Variants in ENPEP observed in about 807,000 individuals in gnomAD.
The protein encoded by ENPEP is AP-A.
ENPEP carries 103 observed loss-of-function variants against 114.5 expected under a neutral mutation model. That is an observed-to-expected ratio of 0.90 (90% CI 0.77 to 1.06). The LOEUF (loss-of-function observed/expected upper bound fraction) is 1.06. Among genes scored for constraint, ENPEP ranks in the 50% least tolerant of loss-of-function variants. The probability of loss-of-function intolerance (pLI) is 0.00; values close to 1 mark genes in which losing one functional copy is unlikely to be tolerated. For missense variants in ENPEP, 1,196 were observed against 1,161.3 expected (o/e 1.03, Z -0.43); for synonymous variants, 420 against 422.0 (o/e 1.00, Z 0.06).
At chr4:110,515,630 T>A in intron 8 of ENPEP, 188 bp downstream of exon 8, 1 of 626,264 alleles carries the variant, frequency 1.6e-6, no homozygotes, top group Non-Finnish European at 2.9e-6. Flanking sequence ...TCTGTAATGA[T>A]CATTTAGCAG....
chr4:110,476,571 A>G lies in ENPEP; in HGVS notation c.157A>G (p.Thr53Ala), dbSNP rs2110327182. The G allele has an allele frequency of 6.2e-7, 1 of 1,613,652 alleles. No homozygotes were observed. Among genetic ancestry groups the G allele is most frequent in the Non-Finnish European group, 8.5e-7 (1 of 1,179,664 alleles). ...CTCCAGCGGGGACGGCGGGCCGGGC[A>G]CTGCGCCAGCTCCTTCCCACCTGCC... ...CDSSGDGGPG[T>A]APAPSHLPSS... Residue 53 changes from threonine to alanine, a missense_variant, in exon 1 of 20, where the codon ACT becomes GCT. By Grantham distance (58) the Thr-to-Ala change is moderately conservative (BLOSUM62 0). Coordinates refer to ENST00000265162, the MANE Select transcript of ENPEP (RefSeq NM_001977.4).
chr4:110,497,308 T>A (rs72666190), intron 3 of ENPEP, among the ~76,000 whole-genome samples: 17,215 of 152,216 alleles, frequency 0.11, 1,138 homozygotes, highest in Middle Eastern at 0.28. Flanking sequence ...TAGTTTTTTT[T>A]AATTAATTTC....
intron 13 of ENPEP, among the ~76,000 whole-genome samples, chr4:110,543,952 C>G (rs755968455): frequency 4.6e-5 from 7 of 151,892 alleles, no homozygotes; most frequent in Admixed American, 2.6e-4. Flanking sequence ...GGTAGGCACC[C>G]AAACCCAGCT....
chr4:110,494,682 C>T (rs1417979903), intron 3 of ENPEP, among the ~76,000 whole-genome samples: 6 of 152,122 alleles, frequency 3.9e-5, no homozygotes, highest in South Asian at 2.1e-4. Flanking sequence ...ATATCCTTGT[C>T]GCTCATGAGA....
chr4:110,505,808 T>C (rs1006477345), intron 3 of ENPEP, among the ~76,000 whole-genome samples: 1 of 152,212 alleles, frequency 6.6e-6, no homozygotes, highest in African/African-American at 2.4e-5. Flanking sequence ...CTTTCAGATA[T>C]TGAGAAATGC....
intron 13 of ENPEP, among the ~76,000 whole-genome samples, chr4:110,546,317 A>C (rs1727056360): frequency 6.6e-6 from 1 of 150,702 alleles, no homozygotes; most frequent in African/African-American, 2.4e-5. Flanking sequence ...TCTTCCCCCC[A>C]CCCCGCCCCC....
At chr4:110,542,696 T>C (rs990884001) in intron 11 of ENPEP, 55 bp from the exon 12 acceptor site, 2 of 1,478,602 alleles carry the variant, frequency 1.4e-6, no homozygotes, top group African/African-American at 2.9e-5. Flanking sequence ...CTAATTTCTC[T>C]GTGTTGACAG....
At chr4:110,497,647 A>G (rs1436790402) in intron 3 of ENPEP, among the ~76,000 whole-genome samples, 2 of 152,198 alleles carry the variant, frequency 1.3e-5, no homozygotes, top group East Asian at 1.9e-4. Flanking sequence ...ACAGCAATTC[A>G]TAGCAGGTGA....
At chr4:110,543,762 C>T (rs6846106) in intron 13 of ENPEP, among the ~76,000 whole-genome samples, 41,240 of 151,734 alleles carry the variant, frequency 0.27, 6,014 homozygotes, top group Admixed American at 0.36. Context: ...GCTTTGTAGT[C>T]GCCTCATTCT....
chr4:110,517,630 A>T (rs541391781), intron 8 of ENPEP, among the ~76,000 whole-genome samples: 1 of 152,296 alleles, frequency 6.6e-6, no homozygotes, highest in South Asian at 2.1e-4. Context: ...TGTTATAATT[A>T]ATTTAAAAAA....
chr4:110,523,190 G>GA lies in ENPEP; in HGVS notation c.1727+2830dup, dbSNP rs750250794. Among the ~76,000 whole-genome samples the GA allele has an allele frequency of 1.2e-4, 18 of 152,172 alleles. No individual in the cohort carries two copies. The East Asian group carries it at 1.5e-3, about 13-fold the overall frequency. On this transcript the variant is annotated intron_variant, in intron 10 of 19. Coordinates refer to ENST00000265162, the MANE Select transcript of ENPEP (RefSeq NM_001977.4). ...TGGTCAACTATAAAAAAGAAAATTA[G>GA]AAAAAACCCAAATCAAAGACTATAT...
chr4:110,519,229 C>G, intron 8 of ENPEP: 1 of 399,478 alleles, frequency 2.5e-6, no homozygotes, highest in Non-Finnish European at 5.1e-6. Flanking sequence ...TAGGAGGTAA[C>G]GTGATTTAGG....
At position 110,510,007 on chromosome 4, in the gene ENPEP, G is replaced by A. The variant is rs183070625; in HGVS notation, c.1194+200G>A. 3.0e-3 allele frequency among the ~76,000 whole-genome samples: 450 copies of A among 152,216 alleles called. 1 individual carries two copies. Among genetic ancestry groups the A allele is most frequent in the South Asian group, 4.6e-3 (22 of 4,826 alleles). On this transcript the variant is annotated intron_variant, in intron 5 of 19. Coordinates refer to ENST00000265162, the MANE Select transcript of ENPEP (RefSeq NM_001977.4). ...TGTTTTGCCTTTAGGAAATATGCAC[G>A]AGGCCTTCATATAAATTTATGTACC...
chr4:110,533,640 A>T (rs1178211464), intron 11 of ENPEP, among the ~76,000 whole-genome samples: 1 of 152,168 alleles, frequency 6.6e-6, no homozygotes, highest in African/African-American at 2.4e-5. Context: ...TAAATGGGTG[A>T]TAAAAATTGA....
At chr4:110,524,666 A>G (rs1726129375) in intron 10 of ENPEP, among the ~76,000 whole-genome samples, 1 of 152,244 alleles carries the variant, frequency 6.6e-6, no homozygotes, top group South Asian at 2.1e-4. Flanking sequence ...TTTTCTAGAC[A>G]TTTAAATATG....
At chr4:110,497,623 G>A (rs1321022735) in intron 3 of ENPEP, among the ~76,000 whole-genome samples, 3 of 152,078 alleles carry the variant, frequency 2.0e-5, no homozygotes, top group African/African-American at 7.2e-5. Flanking sequence ...TGGCCGTGCT[G>A]AGTTTCTTCT....
At chr4:110,508,620 G>T (rs1428881125) in intron 4 of ENPEP, among the ~76,000 whole-genome samples, 2 of 152,022 alleles carry the variant, frequency 1.3e-5, no homozygotes, top group Non-Finnish European at 1.5e-5. Context: ...GACCATCCTG[G>T]CTAACACGGT....
intron 8 of ENPEP, chr4:110,515,674 G>C: frequency 1.7e-6 from 1 of 588,232 alleles, no homozygotes; most frequent in Non-Finnish European, 3.2e-6. Context: ...AGATTACTTA[G>C]TTATTTTTGA....
At chr4:110,552,579 C>G (rs922418935) in intron 17 of ENPEP, among the ~76,000 whole-genome samples, 1 of 152,098 alleles carries the variant, frequency 6.6e-6, no homozygotes, top group African/African-American at 2.4e-5. Context: ...CATGAAAATA[C>G]ATCTAATCTA....
Sources: gnomAD v4.1 joint callset for allele counts (sites outside exome capture counted in the v4.1 genomes callset) on GRCh38, gnomAD v4.1.1 for gene constraint, MANE v1.5 for transcripts, NCBI Gene and HGNC (gene_info 2026-07-23, HGNC 2026-07-21) for gene names.